The following DPP6 variants were observed in gnomAD, a reference collection of about 807,000 sequenced individuals.
DPP6 encodes dipeptidyl peptidase like 6.
Under a neutral mutation model 122.6 loss-of-function variants are expected in DPP6, and 69 were observed. The observed-to-expected ratio is 0.56, with a 90% confidence interval of 0.46 to 0.69. DPP6 has a LOEUF of 0.69. Ranked by LOEUF, DPP6 falls within the 30% of genes least tolerant of loss-of-function variation. The probability of loss-of-function intolerance (pLI) is 0.00; values close to 1 mark genes in which losing one functional copy is unlikely to be tolerated. For synonymous variants in DPP6, 418 were observed against 433.1 expected, an observed-to-expected ratio of 0.97 and a Z score of 0.43; for missense variants, 928 against 1,116.9, an observed-to-expected ratio of 0.83 and a Z score of 2.41.
At chr7:154,876,603 T>C (rs1315124869) in intron 20 of DPP6, among the ~76,000 whole-genome samples, 1 of 152,186 alleles carries the variant, frequency 6.6e-6, no homozygotes, top group East Asian at 1.9e-4. Flanking sequence ...GGGCAGGCTT[T>C]TGTTCTGTCA....
intron 1 of DPP6, among the ~76,000 whole-genome samples, chr7:154,151,851 C>A (rs1164809719): frequency 6.6e-6 from 1 of 151,894 alleles, no homozygotes; most frequent in African/African-American, 2.4e-5. Flanking sequence ...AAGGCAACAG[C>A]AACATTTCCC....
At chr7:153,980,826 G>T (rs1202641137) in intron 1 of DPP6, among the ~76,000 whole-genome samples, 1 of 152,172 alleles carries the variant, frequency 6.6e-6, no homozygotes, top group Non-Finnish European at 1.5e-5. Context: ...TTCAGGAGCA[G>T]GTTGTTCAGT....
intron 12 of DPP6, among the ~76,000 whole-genome samples, chr7:154,798,799 G>T (rs1798187060): frequency 2.0e-5 from 3 of 152,312 alleles, no homozygotes; most frequent in African/African-American, 7.2e-5. Context: ...TTTTCGTAAA[G>T]GAATTCATGG....
At position 154,875,853 on chromosome 7, in the gene DPP6, C is replaced by G. The variant is rs899119321; in HGVS notation, c.1884-53C>G. On this transcript the variant is annotated intron_variant, in intron 19 of 25. Transcript: ENST00000377770. The surrounding 1 kb of genome is among the most constrained non-coding windows in gnomAD (Gnocchi z 4.5). ...TCATCTGACGTGGCAGCTGCTAGAC[C>G]AGCCGCCACCCACCACGCAGCAGGC... 6.4e-7 allele frequency: 1 copy of G among 1,562,128 alleles called. No individual in the cohort carries two copies. Among genetic ancestry groups the G allele is most frequent in the Admixed American group, 1.9e-5 (1 of 52,196 alleles).
intron 3 of DPP6, among the ~76,000 whole-genome samples, chr7:154,490,839 A>G (rs1036465334): frequency 6.6e-5 from 10 of 152,202 alleles, no homozygotes; most frequent in African/African-American, 2.2e-4. Context: ...CTCACCAGTG[A>G]TAACATAGTT....
intron 2 of DPP6, among the ~76,000 whole-genome samples, chr7:154,473,872 T>G (rs1360329541): frequency 6.6e-6 from 1 of 152,054 alleles, no homozygotes; most frequent in Non-Finnish European, 1.5e-5. Flanking sequence ...CATATGCACC[T>G]CAGTTAGCAC....
intron 1 of DPP6, among the ~76,000 whole-genome samples, chr7:154,439,732 A>G (rs1334970781): frequency 6.6e-6 from 1 of 152,228 alleles, no homozygotes; most frequent in Non-Finnish European, 1.5e-5. Flanking sequence ...TTCTGAAAAC[A>G]CAGTTTTGCT....
chr7:153,873,523 A>G, the DPP6 span, among the ~76,000 whole-genome samples: 1 of 152,240 alleles, frequency 6.6e-6, no homozygotes, highest in South Asian at 2.1e-4. Flanking sequence ...CCGTTCCATA[A>G]ATAAACATAA....
intron 1 of DPP6, among the ~76,000 whole-genome samples, chr7:154,310,656 A>T (rs1181861261): frequency 6.6e-6 from 1 of 152,182 alleles, no homozygotes; most frequent in Non-Finnish European, 1.5e-5. Flanking sequence ...AAAACCTTCA[A>T]ATGCTCCATG....
At chr7:154,761,073 G>A (rs1366911496) in intron 8 of DPP6, among the ~76,000 whole-genome samples, 1 of 152,178 alleles carries the variant, frequency 6.6e-6, no homozygotes, top group African/African-American at 2.4e-5. Flanking sequence ...GACCTTAAGT[G>A]ATCCACCCAC....
At chr7:154,374,417 T>C (rs543955508) in intron 1 of DPP6, among the ~76,000 whole-genome samples, 50 of 152,262 alleles carry the variant, frequency 3.3e-4, no homozygotes, top group African/African-American at 1.1e-3. Context: ...GGTGTGTTTT[T>C]CAGGTTATCT....
At chr7:154,381,234 C>T (rs1034413376) in intron 1 of DPP6, among the ~76,000 whole-genome samples, 1 of 152,206 alleles carries the variant, frequency 6.6e-6, no homozygotes, top group African/African-American at 2.4e-5. Flanking sequence ...ACCCTTGCCG[C>T]TCCATGCCAG....
chr7:154,112,450 G>C (rs1396052456), intron 1 of DPP6, among the ~76,000 whole-genome samples: 1 of 152,028 alleles, frequency 6.6e-6, no homozygotes, highest in Admixed American at 6.6e-5. Flanking sequence ...TTCGAGACCA[G>C]CCTGGCCAAC....
At chr7:154,463,064 G>A (rs555195884) in intron 2 of DPP6, among the ~76,000 whole-genome samples, 9 of 151,898 alleles carry the variant, frequency 5.9e-5, no homozygotes, top group African/African-American at 2.2e-4. Flanking sequence ...TGGGCAGGTC[G>A]AGAAATATCA....
At chr7:154,147,648 TTGTGTGTGTG>T (rs370147218) in intron 1 of DPP6, among the ~76,000 whole-genome samples, 2 of 146,364 alleles carry the variant, frequency 1.4e-5, no homozygotes. Context: ...CCCAGCTAAT[TTGTGTGTGTG>T]TGTGTGTGTG....
At chr7:154,174,561 C>CT (rs1797699583) in intron 1 of DPP6, among the ~76,000 whole-genome samples, 1 of 152,202 alleles carries the variant, frequency 6.6e-6, no homozygotes, top group African/African-American at 2.4e-5. Flanking sequence ...CTATTGGTGT[C>CT]TAAGAGTCAG....
chr7:154,841,996 T>A (rs1424440478), intron 16 of DPP6, among the ~76,000 whole-genome samples: 1 of 152,186 alleles, frequency 6.6e-6, no homozygotes, highest in Non-Finnish European at 1.5e-5. Flanking sequence ...GAACAAATAT[T>A]TTAATTATCC....
chr7:154,540,026 A>G (rs1828590635), intron 3 of DPP6, among the ~76,000 whole-genome samples: 1 of 152,222 alleles, frequency 6.6e-6, no homozygotes, highest in Admixed American at 6.5e-5. Flanking sequence ...CAGACTCAGC[A>G]TCTATGAGAT....
chr7:154,177,503 A>G (rs1330161661), intron 1 of DPP6, among the ~76,000 whole-genome samples: 1 of 152,206 alleles, frequency 6.6e-6, no homozygotes, highest in East Asian at 1.9e-4. Flanking sequence ...AGGAGTGACC[A>G]CTGTTGGTCA....
Sources: gnomAD v4.1 joint callset for allele counts (sites outside exome capture counted in the v4.1 genomes callset) on GRCh38, gnomAD v4.1.1 for gene constraint, Gnocchi (gnomAD v3.1) non-coding constraint, MANE v1.5 for transcripts, NCBI Gene and HGNC (gene_info 2026-07-23, HGNC 2026-07-21) for gene names.